The following ZPBP variants were observed in gnomAD, a reference collection of about 807,000 sequenced individuals.
ZPBP encodes zona pellucida binding protein.
ZPBP carries 26 observed loss-of-function variants against 44.8 expected under a neutral mutation model. The ratio of observed to expected loss-of-function variants is 0.58; its 90% CI spans 0.43 to 0.81. The LOEUF (loss-of-function observed/expected upper bound fraction) is 0.81. Ranked by LOEUF, ZPBP falls within the 30% of genes least tolerant of loss-of-function variation. The probability of loss-of-function intolerance (pLI) is 0.00; values close to 1 mark genes in which losing one functional copy is unlikely to be tolerated. For synonymous variants in ZPBP, 174 were observed against 153.2 expected (o/e 1.14, Z -1.00); for missense variants, 409 against 434.0 (o/e 0.94, Z 0.51).
At chr7:49,867,460 C>T (rs1458062233) in intron 2 of ZPBP, among the ~76,000 whole-genome samples, 2 of 152,072 alleles carry the variant, frequency 1.3e-5, no homozygotes, top group Admixed American at 6.6e-5. Context: ...GCCTCCCAAG[C>T]GAAGGAAAAT....
intron 4 of ZPBP, among the ~76,000 whole-genome samples, chr7:50,042,863 C>T (rs911340177): frequency 1.3e-5 from 2 of 152,142 alleles, no homozygotes; most frequent in African/African-American, 4.8e-5. Flanking sequence ...AATTAAAAGA[C>T]ACAGAATGGC....
chr7:49,853,656 TTTC>T lies in ZPBP; in HGVS notation n.510-3145_510-3143del, dbSNP rs374459973. Among the ~76,000 whole-genome samples the T allele has an allele frequency of 7.4e-3, 1,128 of 152,260 alleles. 10 individuals carry two copies. Among genetic ancestry groups the T allele is most frequent in the African/African-American group, 0.026 (1,063 of 41,542 alleles). ...TAAAGTATGTTTATGAACGTTTGTT[TTTC>T]TTCTTGTCATTTATTATTGCATCCT... On this transcript the variant is annotated intron_variant and non_coding_transcript_variant, in intron 2 of 2. Coordinates refer to the ZPBP transcript ENST00000465922.
intron 7 of ZPBP, among the ~76,000 whole-genome samples, chr7:49,979,208 C>G (rs1039695458): frequency 1.5e-4 from 23 of 151,854 alleles, no homozygotes; most frequent in Admixed American, 1.4e-3. Flanking sequence ...CAAGTCTCAC[C>G]GAGAAAGCCG....
chr7:49,877,485 T>TACATATAC (rs1351876914), intron 2 of ZPBP, among the ~76,000 whole-genome samples: 1 of 14,934 alleles, frequency 6.7e-5, no homozygotes, highest in Admixed American at 9.8e-4. Flanking sequence ...AAAAAAAATA[T>TACATATAC]ATATATATAT....
At chr7:50,054,913 T>C (rs1800859272) in intron 4 of ZPBP, among the ~76,000 whole-genome samples, 1 of 151,940 alleles carries the variant, frequency 6.6e-6, no homozygotes, top group Non-Finnish European at 1.5e-5. Flanking sequence ...CCCACCAAAG[T>C]CCAAAAAATG....
intron 2 of ZPBP, among the ~76,000 whole-genome samples, chr7:49,868,650 C>T (rs1017501134): frequency 1.3e-5 from 2 of 152,180 alleles, no homozygotes; most frequent in Non-Finnish European, 2.9e-5. Context: ...TGAAGTCTTG[C>T]TCTGTCACCT....
chr7:49,848,397 G>C (rs976661576), downstream of ZPBP, among the ~76,000 whole-genome samples: 1 of 152,222 alleles, frequency 6.6e-6, no homozygotes, highest in Non-Finnish European at 1.5e-5. Flanking sequence ...TGCAGTGTGT[G>C]AGAGCCGGGC....
intron 7 of ZPBP, among the ~76,000 whole-genome samples, chr7:49,949,527 T>TA (rs1370049026): frequency 1.3e-5 from 2 of 152,040 alleles, no homozygotes; most frequent in African/African-American, 4.8e-5. Flanking sequence ...AAGCCAGTCA[T>TA]AAAAAGACAA....
intron 2 of ZPBP, among the ~76,000 whole-genome samples, chr7:49,871,666 A>T (rs1028201895): frequency 3.9e-5 from 6 of 152,152 alleles, no homozygotes; most frequent in African/African-American, 1.4e-4. Flanking sequence ...AAAGAAACAT[A>T]CTAGGATGAT....
chr7:50,044,850 A>C (rs1225938481), intron 4 of ZPBP, among the ~76,000 whole-genome samples: 4 of 152,176 alleles, frequency 2.6e-5, no homozygotes, highest in Non-Finnish European at 4.4e-5. Context: ...AATCTGGCAG[A>C]GACAAAAAAA....
At chr7:50,047,931 G>A (rs1807868) in intron 4 of ZPBP, among the ~76,000 whole-genome samples, 27,432 of 152,076 alleles carry the variant, frequency 0.18, 3,513 homozygotes, top group East Asian at 0.62. Context: ...ATATGTTTCC[G>A]TTGGATTTAA....
At chr7:50,047,525 G>A (rs758375567) in intron 4 of ZPBP, among the ~76,000 whole-genome samples, 13 of 152,020 alleles carry the variant, frequency 8.6e-5, no homozygotes, top group South Asian at 4.1e-4. Flanking sequence ...CAGGGAAGTC[G>A]CAGCAGGAAC....
At chr7:49,908,446 A>C (rs954145998) in intron 1 of ZPBP, among the ~76,000 whole-genome samples, 1 of 152,224 alleles carries the variant, frequency 6.6e-6, no homozygotes, top group African/African-American at 2.4e-5. Flanking sequence ...TAAGCAAAAT[A>C]AGTAAATATG....
intron 2 of ZPBP, among the ~76,000 whole-genome samples, chr7:49,874,478 TAAC>T (rs564678046): frequency 3.0e-4 from 46 of 152,186 alleles, no homozygotes; most frequent in Admixed American, 7.2e-4. Flanking sequence ...GATGTTCACA[TAAC>T]AACAAGATCA....
At chr7:49,933,753 G>A (rs1012300188), downstream of ZPBP, among the ~76,000 whole-genome samples, 1 of 152,144 alleles carries the variant, frequency 6.6e-6, no homozygotes, top group African/African-American at 2.4e-5. Context: ...TCCTTTGTAG[G>A]GACATGGATG....
intron 2 of ZPBP, among the ~76,000 whole-genome samples, chr7:49,850,683 G>A (rs1391530907): frequency 6.6e-6 from 1 of 152,184 alleles, no homozygotes; most frequent in Non-Finnish European, 1.5e-5. Flanking sequence ...CTGGAAAAAA[G>A]CCAGTGTCAG....
intron 7 of ZPBP, among the ~76,000 whole-genome samples, chr7:49,969,135 T>G (rs1364057191): frequency 1.3e-5 from 2 of 149,938 alleles, no homozygotes; most frequent in African/African-American, 4.9e-5. Context: ...TGATCTATAT[T>G]TATATATTTA....
intron 1 of ZPBP, among the ~76,000 whole-genome samples, chr7:49,903,772 A>G (rs1419481446): frequency 1.3e-5 from 2 of 152,156 alleles, no homozygotes; most frequent in Non-Finnish European, 1.5e-5. Context: ...AAAATTTAGG[A>G]CAGGGACACA....
chr7:49,997,137 T>C (rs936918821), intron 6 of ZPBP, among the ~76,000 whole-genome samples: 2 of 152,158 alleles, frequency 1.3e-5, no homozygotes, highest in Non-Finnish European at 2.9e-5. Context: ...AGTGAGTAGG[T>C]CTTAAATCAC....
Sources: allele counts gnomAD v4.1 joint callset (sites outside exome capture counted in the v4.1 genomes callset), GRCh38; gene constraint gnomAD v4.1.1; transcripts MANE v1.5; gene names NCBI Gene and HGNC (gene_info 2026-07-23, HGNC 2026-07-21).